The following ZBTB41 variants were observed in gnomAD, a reference collection of about 807,000 sequenced individuals.
ZBTB41 encodes zinc finger and BTB domain-containing protein 41.
In ZBTB41, 42 loss-of-function variants were observed where a neutral mutation model predicts 87.6. That is an observed-to-expected ratio of 0.48 (90% confidence interval 0.37 to 0.62). The LOEUF is 0.62. ZBTB41 is among the 20% of genes least tolerant of loss of function. ZBTB41 has a pLI of 0.00. For missense variants in ZBTB41, 799 were observed against 1,078.9 expected (o/e 0.74, Z 3.63); for synonymous variants, 364 against 364.0 (o/e 1.00, Z 0.00).
At chr1:197,188,232 C>G (rs1166341899) in intron 5 of ZBTB41, 60 bp downstream of exon 5, 2 of 1,581,222 alleles carry the variant, frequency 1.3e-6, no homozygotes, top group East Asian at 2.2e-5. Flanking sequence ...GAAGGCTCCT[C>G]CAGCATGATG....
chr1:197,172,276 TC>T (rs752879618), intron 9 of ZBTB41, 28 bp from the exon 10 acceptor site: 12 of 848,484 alleles, frequency 1.4e-5, no homozygotes, highest in African/African-American at 3.6e-5. Context: ...TTTGAGTTTT[TC>T]AATATAATTT....
At chr1:197,165,719 A>G (rs1447999634) in intron 10 of ZBTB41, among the ~76,000 whole-genome samples, 1 of 152,148 alleles carries the variant, frequency 6.6e-6, no homozygotes, top group Non-Finnish European at 1.5e-5. Flanking sequence ...AATAAGAAAT[A>G]CTACAATTTA....
At position 197,191,457 on chromosome 1, in the gene ZBTB41, A is replaced by C. The variant is rs796487829; in HGVS notation, c.1328+235T>G. 1.8e-3 allele frequency among the ~76,000 whole-genome samples: 24 copies of C among 13,384 alleles called. 1 individual carries two copies. Among genetic ancestry groups the C allele is most frequent in the African/African-American group, 2.3e-3 (23 of 9,830 alleles). The allele number at this position is 13,384 out of a possible 152,430, so 8.8% of individuals were successfully genotyped here. A position where few individuals can be genotyped will look rare whatever the true frequency, so the allele number is the denominator to read the frequency against. ...GGGCGACACAGTGAAGCCCTACTTC[A>C]AAAAAAAAAAAAAAAAAAAAAGAGA... is the stretch of plus-strand genomic sequence containing the variant. On this transcript the variant is annotated intron_variant, in intron 3 of 10. Transcript: ENST00000367405.
At chr1:197,168,215 A>G (rs1040987737) in intron 10 of ZBTB41, among the ~76,000 whole-genome samples, 1 of 152,186 alleles carries the variant, frequency 6.6e-6, no homozygotes. Flanking sequence ...TAAGATAGCT[A>G]CACTAAAAAC....
intron 10 of ZBTB41, among the ~76,000 whole-genome samples, chr1:197,169,972 A>G (rs1295662796): frequency 1.3e-5 from 2 of 152,012 alleles, no homozygotes; most frequent in Non-Finnish European, 2.9e-5. Context: ...AAAATAGAGA[A>G]GAGTCATAGG....
chr1:197,160,806 G>A (rs984064299), intron 10 of ZBTB41, among the ~76,000 whole-genome samples: 2 of 152,098 alleles, frequency 1.3e-5, no homozygotes, highest in South Asian at 4.1e-4. Flanking sequence ...CCTTGAAATA[G>A]GCAGACCAAC....
At chr1:197,182,361 C>A (rs1053572309) in intron 5 of ZBTB41, among the ~76,000 whole-genome samples, 17 of 151,908 alleles carry the variant, frequency 1.1e-4, no homozygotes, top group Admixed American at 8.5e-4. Context: ...TACTGGATAT[C>A]CAGTTTTGCA....
rs774137703 is a variant in ZBTB41, at chr1:197,199,432, A to G, written c.1042T>C (p.Leu348=). The G allele has an allele frequency of 2.7e-5, 43 of 1,610,824 alleles. No homozygotes were observed. The Admixed American group carries it at 6.9e-4, about 26-fold the overall frequency. ...GDSVGNVHEG[L]TPVVIQNSNK... ...CTGTTCTGAATGACCACTGGAGTTA[A>G]CCCCTCATGAACATTTCCTACAGAA... Residue 348 remains leucine, a synonymous_variant, in exon 2 of 11, where the codon TTA becomes CTA. Transcript: ENST00000367405.
At position 197,191,959 on chromosome 1, in the gene ZBTB41, T is replaced by C. The variant is rs1029162680; in HGVS notation, c.1121-60A>G. 2.1e-5 allele frequency: 29 copies of C among 1,377,932 alleles called. No homozygotes were observed. The Admixed American group carries it at 7.0e-4, about 33-fold the overall frequency. The allele number at this position is 1,377,932 out of a possible 1,614,324, so 85.4% of individuals were successfully genotyped here. On this transcript the variant is annotated intron_variant, in intron 2 of 10. Coordinates refer to ENST00000367405, the MANE Select transcript of ZBTB41 (RefSeq NM_194314.3). Reference sequence around the variant, plus strand: ...ACATTTGCTATACTGTGATTGGAATTTGAGAGTGGAATAAAACCTCATGAT... The same window carrying C: ...ACATTTGCTATACTGTGATTGGAATCTGAGAGTGGAATAAAACCTCATGAT...
intron 6 of ZBTB41, among the ~76,000 whole-genome samples, chr1:197,179,910 A>C (rs950225653): frequency 2.0e-5 from 3 of 152,112 alleles, no homozygotes; most frequent in African/African-American, 7.2e-5. Context: ...TAAAAATGTT[A>C]CAGTAAGCTG....
rs1167150058 is a variant in ZBTB41 at position 197,154,609 on chromosome 1, A to G, written c.*4750T>C. 6.6e-6 allele frequency: 1 copy of G among 152,054 alleles called. No homozygotes were observed. Among genetic ancestry groups the G allele is most frequent in the Non-Finnish European group, 1.5e-5 (1 of 67,916 alleles). The allele number at this position is 152,054 out of a possible 1,614,324, so 9.4% of individuals were successfully genotyped here. A position where few individuals can be genotyped will look rare whatever the true frequency, so the allele number is the denominator to read the frequency against. On this transcript the variant is annotated 3_prime_UTR_variant, in exon 11 of 11. Transcript: ENST00000367405. ...AAAGAGAAAGAGCAGAAAGCATGCT[A>G]AGATTATAGGGAAAAGGTATCTTAA...
At chr1:197,183,164 T>C (rs1315278086) in intron 5 of ZBTB41, among the ~76,000 whole-genome samples, 1 of 152,176 alleles carries the variant, frequency 6.6e-6, no homozygotes, top group African/African-American at 2.4e-5. Context: ...GCAAAGCTAC[T>C]ATGTCACAAA....
At position 197,199,617 on chromosome 1, in the gene ZBTB41, T is replaced by A; in HGVS notation, c.857A>T (p.Asp286Val). ...GSDNLNQENF[D>V]KEKSDRNDSE... ...ATCATTTCTATCTGACTTTTCCTTA[T>A]CAAAATTTTCTTGATTCAAATTGTC... The change falls in exon 2 of 11, where the codon GAT (aspartate) becomes GTT (valine). Residue 286 changes from aspartate to valine, a missense_variant. Around this residue, in one of 5 missense-constraint regions of ZBTB41, gnomAD observed 294 missense variants for 340.1 expected, o/e 0.86. Coordinates refer to ENST00000367405, the MANE Select transcript of ZBTB41 (RefSeq NM_194314.3). The A allele has an allele frequency of 1.2e-6, 2 of 1,610,870 alleles. No individual in the cohort carries two copies. Among genetic ancestry groups the A allele is most frequent in the Non-Finnish European group, 1.7e-6 (2 of 1,179,304 alleles).
intron 9 of ZBTB41, 28 bp downstream of exon 9, chr1:197,174,982 C>A (rs1659567749): frequency 1.3e-6 from 2 of 1,576,838 alleles, no homozygotes; most frequent in Admixed American, 3.4e-5. Context: ...CCAATGTAAA[C>A]TATGAGACAT....
At position 197,199,438 on chromosome 1, in the gene ZBTB41, C is replaced by A; in HGVS notation, c.1036G>T (p.Glu346Ter). The change falls in exon 2 of 11, where the codon GAG becomes TAG. Residue 346 changes from glutamate (E) to a stop codon, truncating the protein, a stop_gained. Transcript: ENST00000367405. LOFTEE classifies it high-confidence loss of function. Reference sequence around the variant, plus strand: ...TGAATGACCACTGGAGTTAACCCCTCATGAACATTTCCTACAGAATCACCA... The same window carrying A: ...TGAATGACCACTGGAGTTAACCCCTAATGAACATTTCCTACAGAATCACCA... ...EAGDSVGNVH[E>*]GLTPVVIQNS... The A allele has an allele frequency of 6.2e-7, 1 of 1,612,236 alleles. No homozygotes were observed. The highest frequency in any genetic ancestry group is 8.5e-7 in the Non-Finnish European group (1 of 1,179,440).
intron 4 of ZBTB41, among the ~76,000 whole-genome samples, chr1:197,189,104 G>T (rs900052273): frequency 6.6e-5 from 10 of 152,278 alleles, no homozygotes; most frequent in African/African-American, 2.4e-4. Flanking sequence ...CTAAAATACT[G>T]TAATAAATAA....
At chr1:197,188,634 G>C (rs890183732) in intron 4 of ZBTB41, among the ~76,000 whole-genome samples, 195 bp from the exon 5 acceptor site, 1 of 152,230 alleles carries the variant, frequency 6.6e-6, no homozygotes, top group Non-Finnish European at 1.5e-5. Context: ...TTTTAAATTA[G>C]TACTAAAGGT....
At position 197,199,537 on chromosome 1, in the gene ZBTB41, TCTC is replaced by T. The variant is rs1449180012; in HGVS notation, c.934_936del (p.Glu312del). On this transcript the variant is annotated inframe_deletion, in exon 2 of 11. Transcript: ENST00000367405. ...TCAATGTCAGAGTACTCATCTGACA[TCTC>T]CTCCTCTAGCTCATCTTCTTCAGCA... The T allele has an allele frequency of 1.9e-6, 3 of 1,609,760 alleles. No individual in the cohort carries two copies. The highest frequency in any genetic ancestry group is 2.2e-5 in the South Asian group (2 of 90,082).
intron 5 of ZBTB41, among the ~76,000 whole-genome samples, chr1:197,185,777 C>G (rs1482614063): frequency 6.6e-6 from 1 of 152,038 alleles, no homozygotes; most frequent in Non-Finnish European, 1.5e-5. Context: ...AGGTATAAAT[C>G]TAACAACATA....
Sources: gnomAD v4.1 joint callset for allele counts (sites outside exome capture counted in the v4.1 genomes callset) on GRCh38, gnomAD v4.1.1 for gene constraint, gnomAD v4.1.1 regional missense constraint, MANE v1.5 for transcripts, NCBI Gene and HGNC (gene_info 2026-07-23, HGNC 2026-07-21) for gene names.